KCNMA1: variants seen among roughly 807,000 people sequenced by gnomAD.
KCNMA1 encodes the protein Calcium-activated potassium channel subunit alpha-1.
KCNMA1 carries 29 observed loss-of-function variants against 140.0 expected under a neutral mutation model. The ratio of observed to expected loss-of-function variants is 0.21; its 90% confidence interval spans 0.15 to 0.28. The LOEUF (loss-of-function observed/expected upper bound fraction) is 0.28. Ranked by LOEUF, KCNMA1 falls within the 10% of genes least tolerant of loss-of-function variation. The pLI, the probability that KCNMA1 is intolerant of heterozygous loss-of-function variation, is 1.00. For missense variants in KCNMA1, 880 were observed against 1,602.2 expected (o/e 0.55, Z 7.70); for synonymous variants, 612 against 611.9 (o/e 1.00, Z 0.00).
intron 2 of KCNMA1, among the ~76,000 whole-genome samples, chr10:77,366,110 C>CTTTCTTTCTTTCTT (rs1555244426): frequency 4.7e-5 from 7 of 150,040 alleles, no homozygotes; most frequent in Non-Finnish European, 8.9e-5. Context: ...CATGTTCTTT[C>CTTTCTTTCTTTCTT]TTTCTTTCTT....
chr10:77,290,420 T>C (rs2154309150), intron 2 of KCNMA1, among the ~76,000 whole-genome samples: 1 of 152,334 alleles, frequency 6.6e-6, no homozygotes, highest in Middle Eastern at 3.4e-3. Context: ...CTTTACAACC[T>C]TGTTAAATGA....
chr10:77,196,728 G>C (rs1473805873), intron 3 of KCNMA1, among the ~76,000 whole-genome samples: 2 of 152,112 alleles, frequency 1.3e-5, no homozygotes, highest in African/African-American at 4.8e-5. Flanking sequence ...CCTACTCTTG[G>C]GCTAAGGGAT....
At chr10:77,611,403 G>T (rs1050730849) in intron 1 of KCNMA1, among the ~76,000 whole-genome samples, 72 of 152,304 alleles carry the variant, frequency 4.7e-4, no homozygotes, top group African/African-American at 1.5e-3. Flanking sequence ...AGATTAGAGT[G>T]ACAGAAAGAA....
intron 5 of KCNMA1, among the ~76,000 whole-genome samples, chr10:77,156,431 G>C (rs2098485172): frequency 6.6e-6 from 1 of 152,130 alleles, no homozygotes; most frequent in Non-Finnish European, 1.5e-5. Flanking sequence ...AGAGAAATCT[G>C]ACAGAGCTGA....
intron 1 of KCNMA1, among the ~76,000 whole-genome samples, chr10:77,559,160 C>G (rs1351756605): frequency 6.6e-6 from 1 of 152,208 alleles, no homozygotes; most frequent in Non-Finnish European, 1.5e-5. Flanking sequence ...TTGGGACAAC[C>G]TTAGGGCAAT....
At chr10:76,935,293 A>G (rs967157688) in intron 23 of KCNMA1, among the ~76,000 whole-genome samples, 1 of 152,256 alleles carries the variant, frequency 6.6e-6, no homozygotes, top group Non-Finnish European at 1.5e-5. Context: ...GAGCACTTTC[A>G]TCCCCTTGAG....
chr10:77,108,628 G>A lies in KCNMA1; in HGVS notation c.1132-56C>T. 3.1e-6 allele frequency: 4 copies of A among 1,303,888 alleles called. No individual in the cohort carries two copies. The highest frequency in any genetic ancestry group is 1.2e-5 in the South Asian group (1 of 84,366). The allele number at this position is 1,303,888 out of a possible 1,614,324, so 80.8% of individuals were successfully genotyped here. A position where few individuals can be genotyped will look rare whatever the true frequency, so the allele number is the denominator to read the frequency against. On this transcript the variant is annotated intron_variant, in intron 8 of 27. Transcript: ENST00000286628. This position sits in a 1 kb window ranked among gnomAD's most constrained non-coding sequence, Gnocchi z 4.6. ...AAAAGACAGGCCAAAGAAAAGGGGGGACCTGTTCAGAGGGTGGGGGCACTA... is the reference window on the plus strand; with the variant it reads ...AAAAGACAGGCCAAAGAAAAGGGGGAACCTGTTCAGAGGGTGGGGGCACTA...
intron 2 of KCNMA1, among the ~76,000 whole-genome samples, chr10:77,375,662 C>T (rs145193915): frequency 5.1e-4 from 77 of 152,356 alleles, no homozygotes; most frequent in African/African-American, 1.8e-3. Context: ...GCACAGACCC[C>T]CTTCAAGAAG....
At chr10:77,212,678 T>C (rs549418784) in intron 3 of KCNMA1, among the ~76,000 whole-genome samples, 56 of 152,322 alleles carry the variant, frequency 3.7e-4, no homozygotes, top group African/African-American at 1.3e-3. Flanking sequence ...CCCTGCTCAG[T>C]GTCTCTTGCT....
chr10:77,082,084 A>C (rs2153744648), intron 12 of KCNMA1, among the ~76,000 whole-genome samples: 1 of 125,768 alleles, frequency 8.0e-6, no homozygotes, highest in Admixed American at 1.0e-4. Flanking sequence ...GCTGTAGTGC[A>C]GTGGCGCGAT....
intron 1 of KCNMA1, among the ~76,000 whole-genome samples, chr10:77,569,446 T>A (rs1292575152): frequency 7.1e-6 from 1 of 140,176 alleles, no homozygotes; most frequent in African/African-American, 2.6e-5. Flanking sequence ...TCTACAACTA[T>A]CTGATCTTTG....
intron 5 of KCNMA1, among the ~76,000 whole-genome samples, chr10:77,141,183 G>A (rs1036629285): frequency 8.5e-5 from 13 of 152,160 alleles, no homozygotes; most frequent in Admixed American, 6.5e-5. Context: ...AGAGGAAGAT[G>A]GGAGGAGACA....
chr10:77,337,867 T>C (rs1215939708), intron 2 of KCNMA1, among the ~76,000 whole-genome samples: 1 of 152,146 alleles, frequency 6.6e-6, no homozygotes, highest in Non-Finnish European at 1.5e-5. Flanking sequence ...AGCTGTGCAG[T>C]TCTCCATGTT....
chr10:76,907,322 T>A (rs1195591838), intron 25 of KCNMA1, among the ~76,000 whole-genome samples: 2 of 152,220 alleles, frequency 1.3e-5, no homozygotes, highest in African/African-American at 2.4e-5. Flanking sequence ...TTCCAAGAAC[T>A]GACTACCTAC....
intron 1 of KCNMA1, among the ~76,000 whole-genome samples, chr10:77,582,206 G>A (rs374911580): frequency 6.6e-6 from 1 of 152,202 alleles, no homozygotes; most frequent in Non-Finnish European, 1.5e-5. Flanking sequence ...CTCTGGAGCT[G>A]GTCTGCCTGG....
chr10:77,208,518 A>C (rs2044909347), intron 3 of KCNMA1, among the ~76,000 whole-genome samples: 1 of 149,726 alleles, frequency 6.7e-6, no homozygotes, highest in Non-Finnish European at 1.5e-5. Flanking sequence ...AACGTTTTAA[A>C]AACCTGTGCG....
At chr10:77,034,127 C>T (rs1442338801) in intron 15 of KCNMA1, among the ~76,000 whole-genome samples, 2 of 151,814 alleles carry the variant, frequency 1.3e-5, no homozygotes, top group Non-Finnish European at 2.9e-5. Context: ...GTCTCTAGTC[C>T]CAGCTACTTG....
At chr10:76,928,044 A>G (rs1378851687) in intron 23 of KCNMA1, among the ~76,000 whole-genome samples, 1 of 152,136 alleles carries the variant, frequency 6.6e-6, no homozygotes, top group Non-Finnish European at 1.5e-5. Context: ...ACCCTGGATC[A>G]CCATTGTATA....
At chr10:77,301,685 T>A (rs79442488) in intron 2 of KCNMA1, among the ~76,000 whole-genome samples, 2 of 151,978 alleles carry the variant, frequency 1.3e-5, no homozygotes, top group Non-Finnish European at 2.9e-5. Context: ...TGGCTTCAAC[T>A]GCACTTCAAT....
Sources: allele counts gnomAD v4.1 joint callset (sites outside exome capture counted in the v4.1 genomes callset), GRCh38; gene constraint gnomAD v4.1.1; non-coding constraint Gnocchi (gnomAD v3.1); transcripts MANE v1.5; gene names NCBI Gene and HGNC (gene_info 2026-07-23, HGNC 2026-07-21).